The following PCDH15 variants were observed in gnomAD, a reference collection of about 807,000 sequenced individuals.
PCDH15 encodes protocadherin related 15.
In PCDH15, 129 loss-of-function variants were observed where a neutral mutation model predicts 178.5. The ratio of observed to expected loss-of-function variants is 0.72; its 90% CI spans 0.63 to 0.84. PCDH15 has a LOEUF of 0.84. Ranked by LOEUF, PCDH15 falls within the 40% of genes least tolerant of loss-of-function variation. The pLI, the probability that PCDH15 is intolerant of heterozygous loss-of-function variation, is 0.00. For missense variants in PCDH15, 2,230 were observed against 2,099.9 expected, an observed-to-expected ratio of 1.06 and a Z score of -1.21; for synonymous variants, 800 against 732.0, an observed-to-expected ratio of 1.09 and a Z score of -1.50.
chr10:54,565,843 GGGA>G (rs1169034944), intron 2 of PCDH15, among the ~76,000 whole-genome samples: 1 of 152,140 alleles, frequency 6.6e-6, no homozygotes, highest in Non-Finnish European at 1.5e-5. Flanking sequence ...CCAGCACTTT[GGGA>G]GGCCAAGGCA....
At chr10:55,036,809 T>C (rs1840746639) in intron 2 of PCDH15, among the ~76,000 whole-genome samples, 1 of 152,220 alleles carries the variant, frequency 6.6e-6, no homozygotes. Flanking sequence ...ATATTGTTAA[T>C]GAATTTAGAT....
At position 53,811,581 on chromosome 10, in the gene PCDH15, T is replaced by A; in HGVS notation, c.4530A>T (p.Glu1510Asp). The part of the protein sequence containing the change: ...SMESGIDPGQ[E>D]YGQDYYSYEH... ...CATAACTGTAATAATCTTGTCCATA[T>A]TCCTGGCCAGGATCAATTCCAGACT... is the stretch of plus-strand genomic sequence containing the variant. The change falls in exon 36 of 38, where the codon GAA becomes GAT. Residue 1510 changes from glutamate (E) to aspartate (D), a missense_variant. Glu to Asp is a conservative substitution (Grantham distance 45). Transcript: ENST00000644397. 6.4e-7 allele frequency: 1 copy of A among 1,573,234 alleles called. No individual in the cohort carries two copies. Among genetic ancestry groups the A allele is most frequent in the Non-Finnish European group, 8.6e-7 (1 of 1,159,656 alleles).
intron 1 of PCDH15, among the ~76,000 whole-genome samples, chr10:54,798,196 T>C (rs1319220717): frequency 1.3e-5 from 2 of 151,918 alleles, no homozygotes; most frequent in Admixed American, 1.3e-4. Flanking sequence ...TTTTTTTTTT[T>C]CCTCACTCAA....
At chr10:55,455,235 A>G (rs1241949018) in intron 2 of PCDH15, among the ~76,000 whole-genome samples, 7 of 152,146 alleles carry the variant, frequency 4.6e-5, no homozygotes, top group Non-Finnish European at 1.0e-4. Context: ...CAAATAGACT[A>G]CACCCAAATA....
chr10:55,457,479 T>C lies in PCDH15; in HGVS notation c.-156+170146A>G, dbSNP rs183206777. Among the ~76,000 whole-genome samples, 25 of 152,194 alleles carry C rather than the reference T, an allele frequency of 1.6e-4. No homozygotes were observed. The East Asian group carries it at 4.8e-3, about 29-fold the overall frequency. ...CAAACATGCATCGCTTTTTACTAGA[T>C]GACAGTTTTTAGAGAAAAGGCATGG... On this transcript the variant is annotated intron_variant, in intron 2 of 5. Transcript: ENST00000613346.
chr10:54,120,876 G>A (rs1274320981), intron 15 of PCDH15, among the ~76,000 whole-genome samples: 1 of 152,056 alleles, frequency 6.6e-6, no homozygotes, highest in Non-Finnish European at 1.5e-5. Context: ...GCATTAAACA[G>A]ATTGTCAAGG....
At chr10:54,937,381 C>G (rs1051518171) in intron 2 of PCDH15, among the ~76,000 whole-genome samples, 2 of 151,898 alleles carry the variant, frequency 1.3e-5, no homozygotes, top group African/African-American at 4.8e-5. Flanking sequence ...AGGGATTGCA[C>G]TGAAATCATA....
chr10:55,365,402 A>G (rs980604324), intron 2 of PCDH15, among the ~76,000 whole-genome samples: 34 of 152,116 alleles, frequency 2.2e-4, no homozygotes, highest in Non-Finnish European at 1.3e-4. Flanking sequence ...TTGTCTTGTC[A>G]TGAGCAGCTC....
Position 54,066,982 on chromosome 10 carries a change from C to G in PCDH15, c.2092-97G>C, listed in dbSNP as rs530352677. On this transcript the variant is annotated intron_variant, in intron 17 of 37. Coordinates refer to ENST00000644397, the MANE Select transcript of PCDH15 (RefSeq NM_001384140.1). ...TGGCATTTGTCTATCTGAAAAGCAT[C>G]TCATTTTTCTTTCTAATCCTTAGCT... is the stretch of plus-strand genomic sequence containing the variant. 93 of 1,224,598 alleles carry G rather than the reference C, an allele frequency of 7.6e-5. 1 individual carries two copies. In the East Asian group the frequency reaches 1.3e-3, roughly 17 times the overall value. The allele number at this position is 1,224,598 out of a possible 1,614,324, so 75.9% of individuals were successfully genotyped here.
At chr10:55,271,172 T>C (rs187760204) in intron 1 of PCDH15, among the ~76,000 whole-genome samples, 1 of 152,014 alleles carries the variant, frequency 6.6e-6, no homozygotes, top group African/African-American at 2.4e-5. Context: ...GTGAAAAACT[T>C]CCTGTTGGTT....
intron 2 of PCDH15, among the ~76,000 whole-genome samples, chr10:55,551,547 A>G (rs2132088342): frequency 6.6e-6 from 1 of 151,944 alleles, no homozygotes; most frequent in East Asian, 1.9e-4. Context: ...TCAGCTTGTC[A>G]AAAATATTTA....
intron 2 of PCDH15, among the ~76,000 whole-genome samples, chr10:55,579,656 G>GA (rs1033895917): frequency 1.1e-4 from 16 of 151,776 alleles, no homozygotes; most frequent in African/African-American, 3.6e-4. Flanking sequence ...TAAGATCTCA[G>GA]AAAAAAAAGA....
intron 10 of PCDH15, among the ~76,000 whole-genome samples, chr10:54,209,884 T>C (rs999543814): frequency 6.6e-6 from 1 of 152,146 alleles, no homozygotes; most frequent in African/African-American, 2.4e-5. Flanking sequence ...TCTAGAGTTA[T>C]GACATTAGTG....
intron 2 of PCDH15, among the ~76,000 whole-genome samples, chr10:54,562,909 T>C (rs2088417202): frequency 6.6e-6 from 1 of 152,162 alleles, no homozygotes; most frequent in Admixed American, 6.5e-5. Context: ...CTACATGAAC[T>C]GTCTCTATGA....
intron 2 of PCDH15, among the ~76,000 whole-genome samples, chr10:55,361,100 A>G (rs1288328364): frequency 6.6e-6 from 1 of 152,010 alleles, no homozygotes; most frequent in Non-Finnish European, 1.5e-5. Flanking sequence ...CTCACAAAAG[A>G]GTATATATTG....
chr10:54,214,722 C>T (rs1202776038), intron 9 of PCDH15, among the ~76,000 whole-genome samples: 1 of 152,086 alleles, frequency 6.6e-6, no homozygotes, highest in Non-Finnish European at 1.5e-5. Flanking sequence ...CCCCAAATAG[C>T]TGGGATTATA....
intron 25 of PCDH15, among the ~76,000 whole-genome samples, chr10:53,933,109 A>G (rs935218607): frequency 2.6e-5 from 4 of 151,958 alleles, no homozygotes; most frequent in East Asian, 1.9e-4. Flanking sequence ...AGATTACAGA[A>G]CCATGAGCCA....
intron 2 of PCDH15, among the ~76,000 whole-genome samples, chr10:55,541,228 G>T (rs1283937440): frequency 6.6e-6 from 1 of 151,878 alleles, no homozygotes; most frequent in East Asian, 1.9e-4. Flanking sequence ...AACCCCTGCT[G>T]TTCTAATCAA....
intron 2 of PCDH15, among the ~76,000 whole-genome samples, chr10:55,339,589 T>C (rs1368750182): frequency 6.6e-6 from 1 of 152,130 alleles, no homozygotes; most frequent in Non-Finnish European, 1.5e-5. Flanking sequence ...GTTTTATAAA[T>C]AGTTTCAGGA....
Sources: gnomAD v4.1 joint callset for allele counts (sites outside exome capture counted in the v4.1 genomes callset) on GRCh38, gnomAD v4.1.1 for gene constraint, MANE v1.5 for transcripts, NCBI Gene and HGNC (gene_info 2026-07-23, HGNC 2026-07-21) for gene names.